PRELP: variants seen among roughly 807,000 people sequenced by gnomAD.
PRELP encodes proline and arginine rich end leucine rich repeat protein, also known as prolargin.
In PRELP, 16 loss-of-function variants were observed where a neutral mutation model predicts 22.8. The ratio of observed to expected loss-of-function variants is 0.70; its 90% CI spans 0.47 to 1.06. The LOEUF (loss-of-function observed/expected upper bound fraction) is 1.06. PRELP is among the 50% of genes least tolerant of loss of function. PRELP has a pLI of 0.00. For synonymous variants in PRELP, 233 were observed against 211.4 expected, an observed-to-expected ratio of 1.10 and a Z score of -0.89; for missense variants, 434 against 485.2, an observed-to-expected ratio of 0.89 and a Z score of 0.99.
At chr1:203,482,308 TG>T (rs1661014518) in intron 1 of PRELP, among the ~76,000 whole-genome samples, 1 of 151,912 alleles carries the variant, frequency 6.6e-6, no homozygotes, top group African/African-American at 2.4e-5. Flanking sequence ...GAAAGAGTTT[TG>T]CTCTTGTTGC....
chr1:203,484,245 G>A (rs1253753040), intron 2 of PRELP, 88 bp downstream of exon 2: 1 of 1,514,852 alleles, frequency 6.6e-7, no homozygotes, highest in Admixed American at 2.1e-5. Context: ...TCAGGGTGGG[G>A]TGGTATAAAA....
In PRELP at chr1:203,486,965, CT is replaced by C. The variant is rs1661104438; in HGVS notation, c.*85del. The C allele has an allele frequency of 2.2e-6, 3 of 1,389,614 alleles. No individual in the cohort carries two copies. Among genetic ancestry groups the C allele is most frequent in the Middle Eastern group, 2.3e-4 (1 of 4,308 alleles). The allele number at this position is 1,389,614 out of a possible 1,614,324, so 86.1% of individuals were successfully genotyped here. ...TGTGCCGGCCATTCGTTTTCTCTCT[CT>C]CCCTTTCTTTCTCCCAGCTTTGCCT... On this transcript the variant is annotated 3_prime_UTR_variant, in exon 3 of 3. Coordinates refer to ENST00000343110, the MANE Select transcript of PRELP (RefSeq NM_002725.4).
At chr1:203,480,777 T>G (rs570607033) in intron 1 of PRELP, among the ~76,000 whole-genome samples, 1 of 152,332 alleles carries the variant, frequency 6.6e-6, no homozygotes, top group African/African-American at 2.4e-5. Context: ...TCCTGTTGGC[T>G]CTGGGAGCAG....
At chr1:203,484,809 A>T (rs913566179) in intron 2 of PRELP, among the ~76,000 whole-genome samples, 1 of 152,228 alleles carries the variant, frequency 6.6e-6, no homozygotes, top group Admixed American at 6.5e-5. Flanking sequence ...AGGGTTCTGG[A>T]CTTGGAGTAT....
rs1661033658 is a variant in PRELP, at chr1:203,483,207, T to C, written c.23T>C (p.Leu8Pro). The change falls in exon 2 of 3, where the codon CTC (leucine) becomes CCC (proline). Residue 8 changes from leucine (L) to proline (P), a missense_variant. Leu to Pro is a moderately conservative substitution (Grantham distance 98). Transcript: ENST00000343110. The surrounding 1 kb of genome is among the most constrained non-coding windows in gnomAD (Gnocchi z 4.4). MRSPLCW[L>P]LPLLILASVA... Reference sequence around the variant, plus strand: ...ATCATGAGGTCACCCCTCTGCTGGCTCCTCCCACTTCTCATCTTGGCCTCA... The same window carrying C: ...ATCATGAGGTCACCCCTCTGCTGGCCCCTCCCACTTCTCATCTTGGCCTCA... The C allele has an allele frequency of 3.9e-6, 6 of 1,556,330 alleles. No homozygotes were observed. The South Asian group carries it at 7.3e-5, about 19-fold the overall frequency.
rs1313142837 is a variant in PRELP, at chr1:203,484,136, C to T, written c.952C>T (p.Leu318Phe). The change falls in exon 2 of 3, where the codon CTC (leucine) becomes TTC (phenylalanine). Residue 318 changes from leucine to phenylalanine, a missense_variant. Physicochemically the swap from Leu to Phe is conservative, Grantham distance 22. Transcript: ENST00000343110. ...AINNRLEHLYLNNNSIEKING... is the reference protein window; with the variant it reads ...AINNRLEHLYFNNNSIEKING... ...CAACAACAGGCTGGAACACCTGTAC[C>T]TCAACAACAATAGCATCGAGAGTGA... 1 of 1,520,932 alleles carries T rather than the reference C, an allele frequency of 6.6e-7. No homozygotes were observed. Among genetic ancestry groups the T allele is most frequent in the East Asian group, 2.4e-5 (1 of 41,304 alleles). 94.2% of individuals were successfully genotyped at this position (1,520,932 alleles called of 1,614,324 possible).
Position 203,483,350 on chromosome 1 carries a change from A to T in PRELP, c.166A>T (p.Thr56Ser), listed in dbSNP as rs1558231833. 2 of 1,613,954 alleles carry T rather than the reference A, an allele frequency of 1.2e-6. No homozygotes were observed. The highest frequency in any genetic ancestry group is 1.7e-6 in the Non-Finnish European group (2 of 1,179,964). The change falls in exon 2 of 3, where the codon ACA (threonine) becomes TCA (serine). Residue 56 changes from threonine (T) to serine (S), a missense_variant. Coordinates refer to ENST00000343110, the MANE Select transcript of PRELP (RefSeq NM_002725.4). This position sits in a 1 kb window ranked among gnomAD's most constrained non-coding sequence, Gnocchi z 4.4. ...TCAGCCTGATGAACCAGCAGAGCCA[A>T]CAGACCTGCCTCCTCCCCTCCCTCC... Reference protein sequence around the residue: ...FPQPDEPAEPTDLPPPLPPGP... With the variant: ...FPQPDEPAEPSDLPPPLPPGP...
chr1:203,486,765 G>T lies in PRELP; in HGVS notation c.1033G>T (p.Asp345Tyr). 6.2e-7 allele frequency: 1 copy of T among 1,614,006 alleles called. No individual in the cohort carries two copies. Among genetic ancestry groups the T allele is most frequent in the Non-Finnish European group, 8.5e-7 (1 of 1,179,910 alleles). The change falls in exon 3 of 3, where the codon GAC (aspartate) becomes TAC (tyrosine). Residue 345 changes from aspartate (D) to tyrosine (Y), a missense_variant. Transcript: ENST00000343110. ...DLVAFHDFSS[D>Y]LENVPHLRYL... The stretch of plus-strand genomic sequence containing the variant: ...AGTGGCGTTCCATGACTTCTCCTCG[G>T]ACCTGGAGAACGTGCCACACCTGCG...
chr1:203,488,111 G>T lies in PRELP; in HGVS notation c.*1230G>T, dbSNP rs1440858701. On this transcript the variant is annotated 3_prime_UTR_variant, in exon 3 of 3. Coordinates refer to ENST00000343110, the MANE Select transcript of PRELP (RefSeq NM_002725.4). Reference sequence around the variant, plus strand: ...GCGGGCACAAACGTCCCCAGGCTGGGCTCATTCCCATCGTGAGTGAGCCCA... The same window carrying T: ...GCGGGCACAAACGTCCCCAGGCTGGTCTCATTCCCATCGTGAGTGAGCCCA... 1 of 152,300 alleles carries T rather than the reference G, an allele frequency of 6.6e-6. No individual in the cohort carries two copies. The highest frequency in any genetic ancestry group is 2.4e-5 in the African/African-American group (1 of 41,458). The allele number at this position is 152,300 out of a possible 1,614,324, so 9.4% of individuals were successfully genotyped here. A position where few individuals can be genotyped will look rare whatever the true frequency, so the allele number is the denominator to read the frequency against.
In PRELP at chr1:203,486,829, TC is replaced by T; in HGVS notation, c.1100del (p.Pro367ArgfsTer5). The stretch of plus-strand genomic sequence containing the variant: ...GATGGAAACTACTTGAAGCCGCCCA[TC>T]CCGCTGGACCTCATGATGTGCTTCC... ...RLDGNYLKPP[I>X]PLDLMMCFRL... On this transcript the variant is annotated frameshift_variant, in exon 3 of 3. Transcript: ENST00000343110. LOFTEE classifies it high-confidence loss of function. The T allele has an allele frequency of 1.9e-6, 3 of 1,614,188 alleles. No individual in the cohort carries two copies. The highest frequency in any genetic ancestry group is 1.1e-5 in the South Asian group (1 of 91,078).
chr1:203,485,073 T>C (rs1661069224), intron 2 of PRELP, among the ~76,000 whole-genome samples: 1 of 151,836 alleles, frequency 6.6e-6, no homozygotes, highest in Non-Finnish European at 1.5e-5. Context: ...TGGAGATTGT[T>C]GGTGTCTCTA....
chr1:203,486,962 T>G lies in PRELP; in HGVS notation c.*81T>G, dbSNP rs1661104358. 1.4e-6 allele frequency: 2 copies of G among 1,388,034 alleles called. No individual in the cohort carries two copies. Among genetic ancestry groups the G allele is most frequent in the Non-Finnish European group, 1.9e-6 (2 of 1,034,220 alleles). The allele number at this position is 1,388,034 out of a possible 1,614,324, so 86.0% of individuals were successfully genotyped here. A position where few individuals can be genotyped will look rare whatever the true frequency, so the allele number is the denominator to read the frequency against. ...ACCTGTGCCGGCCATTCGTTTTCTC[T>G]CTCTCCCTTTCTTTCTCCCAGCTTT... On this transcript the variant is annotated 3_prime_UTR_variant, in exon 3 of 3. Transcript: ENST00000343110.
intron 2 of PRELP, among the ~76,000 whole-genome samples, chr1:203,485,978 C>T (rs946133129): frequency 6.6e-6 from 1 of 152,180 alleles, no homozygotes; most frequent in Non-Finnish European, 1.5e-5. Flanking sequence ...ATTTCAGTTA[C>T]CATCTTTTGC....
Position 203,486,899 on chromosome 1 carries a change from G to T in PRELP, c.*18G>T. Reference sequence around the variant, plus strand: ...TCATCTAGGCCCTACTCCGCCACCGGATCTGCTCTGACCGCACTTGAAGGC... The same window carrying T: ...TCATCTAGGCCCTACTCCGCCACCGTATCTGCTCTGACCGCACTTGAAGGC... On this transcript the variant is annotated 3_prime_UTR_variant, in exon 3 of 3. Coordinates refer to ENST00000343110, the MANE Select transcript of PRELP (RefSeq NM_002725.4). 2 of 1,603,906 alleles carry T rather than the reference G, an allele frequency of 1.2e-6. No individual in the cohort carries two copies. The highest frequency in any genetic ancestry group is 4.5e-5 in the East Asian group (2 of 44,448).
Position 203,484,124 on chromosome 1 carries a change from G to A in PRELP, c.940G>A (p.Glu314Lys), listed in dbSNP as rs1005531600. 1.2e-5 allele frequency: 16 copies of A among 1,389,844 alleles called. No individual in the cohort carries two copies. Among genetic ancestry groups the A allele is most frequent in the Non-Finnish European group, 1.5e-5 (16 of 1,037,816 alleles). The allele number at this position is 1,389,844 out of a possible 1,614,324, so 86.1% of individuals were successfully genotyped here. The change falls in exon 2 of 3, where the codon GAA becomes AAA. Residue 314 changes from glutamate to lysine, a missense_variant. By Grantham distance (56) the Glu-to-Lys change is moderately conservative (BLOSUM62 1). Coordinates refer to ENST00000343110, the MANE Select transcript of PRELP (RefSeq NM_002725.4). ...SSVPAINNRL[E>K]HLYLNNNSIE... Reference sequence around the variant, plus strand: ...TGTGCCCGCCATCAACAACAGGCTGGAACACCTGTACCTCAACAACAATAG... The same window carrying A: ...TGTGCCCGCCATCAACAACAGGCTGAAACACCTGTACCTCAACAACAATAG...
At chr1:203,486,616 C>A in intron 2 of PRELP, 90 bp from the exon 3 acceptor site, 1 of 1,299,524 alleles carries the variant, frequency 7.7e-7, no homozygotes. Flanking sequence ...AGTCTACAGT[C>A]CTTGCTCTCG....
chr1:203,485,578 AC>A (rs1392741474), intron 2 of PRELP, among the ~76,000 whole-genome samples: 2 of 152,012 alleles, frequency 1.3e-5, no homozygotes, highest in East Asian at 3.9e-4. Flanking sequence ...GGCAGGCACC[AC>A]TCTTACCATT....
rs1034055578 is a variant in PRELP at position 203,483,831 on chromosome 1, C to T, written c.647C>T (p.Thr216Ile). Residue 216 changes from threonine (T) to isoleucine (I), a missense_variant, in exon 2 of 3, where the codon ACC becomes ATC. Physicochemically the swap from Thr to Ile is moderately conservative, Grantham distance 89. Coordinates refer to ENST00000343110, the MANE Select transcript of PRELP (RefSeq NM_002725.4). The surrounding 1 kb of genome is among the most constrained non-coding windows in gnomAD (Gnocchi z 4.4). ...AGCGACGGCGTCTTCAAGCCCGACACCTTCCATGGCCTCAAGAACCTCATG... is the reference window on the plus strand; with the variant it reads ...AGCGACGGCGTCTTCAAGCCCGACATCTTCCATGGCCTCAAGAACCTCATG... ...RLSDGVFKPD[T>I]FHGLKNLMQL... The T allele has an allele frequency of 1.3e-5, 21 of 1,613,994 alleles. No homozygotes were observed. Among genetic ancestry groups the T allele is most frequent in the Non-Finnish European group, 1.8e-5 (21 of 1,179,956 alleles).
At position 203,483,964 on chromosome 1, in the gene PRELP, A is replaced by T; in HGVS notation, c.780A>T (p.Gly260=). 1 of 1,614,208 alleles carries T rather than the reference A, an allele frequency of 6.2e-7. No homozygotes were observed. The highest frequency in any genetic ancestry group is 1.6e-4 in the Middle Eastern group (1 of 6,062). ...DSNKIETIPN[G]YFKSFPNLAF... is the part of the protein sequence containing the mutation. ...ACAAGATTGAGACCATCCCTAACGG[A>T]TACTTCAAGAGCTTTCCCAATCTTG... Residue 260 remains glycine (G), a synonymous_variant, in exon 2 of 3, where the codon GGA becomes GGT. Coordinates refer to ENST00000343110, the MANE Select transcript of PRELP (RefSeq NM_002725.4). The surrounding 1 kb of genome is among the most constrained non-coding windows in gnomAD (Gnocchi z 4.4).
Sources: gnomAD v4.1 joint callset for allele counts (sites outside exome capture counted in the v4.1 genomes callset) on GRCh38, gnomAD v4.1.1 for gene constraint, Gnocchi (gnomAD v3.1) non-coding constraint, MANE v1.5 for transcripts, NCBI Gene and HGNC (gene_info 2026-07-23, HGNC 2026-07-21) for gene names.